The following ZNF668 variants were observed in gnomAD, a reference collection of about 807,000 sequenced individuals.
The protein encoded by ZNF668 is zinc finger protein 668.
In ZNF668, 10 loss-of-function variants were observed where a neutral mutation model predicts 40.3. The observed-to-expected ratio is 0.25, with a 90% CI of 0.15 to 0.42. The LOEUF (loss-of-function observed/expected upper bound fraction) is 0.42. Among genes scored for constraint, ZNF668 ranks in the 10% least tolerant of loss-of-function variants. ZNF668 has a pLI of 1.00. For missense variants in ZNF668, 749 were observed against 904.6 expected (o/e 0.83, Z 2.21); for synonymous variants, 428 against 384.6 (o/e 1.11, Z -1.32).
intron 1 of ZNF668, chr16:31,073,131 G>A (rs987440333): frequency 6.6e-5 from 10 of 152,318 alleles, no homozygotes; most frequent in Non-Finnish European, 1.3e-4. Flanking sequence ...GGCAGCCCCT[G>A]GAGGGCAGGA....
In ZNF668 at chr16:31,062,206, C is replaced by G. The variant is rs1477682389; in HGVS notation, c.722G>C (p.Cys241Ser). The G allele has an allele frequency of 2.5e-6, 4 of 1,613,378 alleles. No individual in the cohort carries two copies. The highest frequency in any genetic ancestry group is 3.4e-6 in the Non-Finnish European group (4 of 1,179,760). ...CTGTGCCGCGTGGATGCGCTGGTGG[C>G]ACGTGAGCGAGGATGAGCGGGAGAA... The part of the protein sequence containing the change: ...KSFSRSSSLT[C>S]HQRIHAAQKP... Residue 241 changes from cysteine (C) to serine (S), a missense_variant, in exon 3 of 3, where the codon TGC (cysteine) becomes TCC (serine). This residue lies in a region of ZNF668 where 129 missense variants were observed against 231.2 expected (regional missense o/e 0.56). Transcript: ENST00000300849.
At position 31,061,696 on chromosome 16, in the gene ZNF668, T is replaced by G; in HGVS notation, c.1232A>C (p.Glu411Ala). 6.2e-7 allele frequency: 1 copy of G among 1,613,648 alleles called. No homozygotes were observed. Among genetic ancestry groups the G allele is most frequent in the Non-Finnish European group, 8.5e-7 (1 of 1,179,910 alleles). Residue 411 changes from glutamate (E) to alanine (A), a missense_variant, in exon 3 of 3, where the codon GAG becomes GCG. Glu to Ala is a moderately radical substitution (Grantham distance 107, BLOSUM62 -1). This residue lies in a region of ZNF668 where 310 missense variants were observed against 355.1 expected (regional missense o/e 0.87). Transcript: ENST00000300849. The surrounding 1 kb of genome is among the most constrained non-coding windows in gnomAD (Gnocchi z 7.7). The stretch of plus-strand genomic sequence containing the variant: ...GGCCTCACTGCTTCGATGGGTCCGC[T>G]CGTGCTTCCTCAGGCTCGACGACAC... ...FVVSSSLRKH[E>A]RTHRSSEAAG...
Position 31,064,280 on chromosome 16 carries a change from T to G in ZNF668, c.180A>C (p.Pro60=). The change falls in exon 2 of 3, where the codon CCA becomes CCC. Residue 60 remains proline, a synonymous_variant. Transcript: ENST00000300849. ...SEEVAEVKPK[P]ETEAKAEEAS... is the part of the protein sequence containing the mutation. ...CTTCCTCTGCCTTAGCTTCTGTCTC[T>G]GGCTTTGGCTTCACCTCGGCCACCT... is the stretch of plus-strand genomic sequence containing the variant. The G allele has an allele frequency of 6.2e-7, 1 of 1,613,834 alleles. No individual in the cohort carries two copies. The highest frequency in any genetic ancestry group is 8.5e-7 in the Non-Finnish European group (1 of 1,180,034).
intron 1 of ZNF668, chr16:31,064,960 G>T: frequency 7.8e-7 from 1 of 1,289,956 alleles, no homozygotes; most frequent in Admixed American, 3.7e-5. Context: ...GCACTGTCTG[G>T]AAGTGACAGG....
chr16:31,072,586 G>A (rs1412146541), intron 1 of ZNF668, among the ~76,000 whole-genome samples: 1 of 152,212 alleles, frequency 6.6e-6, no homozygotes, highest in Non-Finnish European at 1.5e-5. Context: ...GGAGAAAAAG[G>A]AGGCACCTCA....
rs2056962271 is a variant in ZNF668, at chr16:31,064,215, C to G, written c.245G>C (p.Arg82Thr). Residue 82 changes from arginine to threonine, a missense_variant, in exon 2 of 3, where the codon AGG becomes ACG. Coordinates refer to ENST00000300849, the MANE Select transcript of ZNF668 (RefSeq NM_024706.5). ...GGGGCATAGCGGACACGCATAGGGCCTAGGCTTGGCCGCGGAGCCTGACAC... is the reference window on the plus strand; with the variant it reads ...GGGGCATAGCGGACACGCATAGGGCGTAGGCTTGGCCGCGGAGCCTGACAC... ...EKVSGSAAKP[R>T]PYACPLCPKA... 6.2e-7 allele frequency: 1 copy of G among 1,613,000 alleles called. No homozygotes were observed. Among genetic ancestry groups the G allele is most frequent in the Admixed American group, 1.7e-5 (1 of 60,014 alleles).
intron 1 of ZNF668, chr16:31,069,027 G>A (rs1229414994): frequency 6.6e-6 from 1 of 152,050 alleles, no homozygotes; most frequent in Non-Finnish European, 1.5e-5. Context: ...TCCCCACAAA[G>A]GAAAAACTGT....
chr16:31,070,631 C>A (rs1596758829), intron 1 of ZNF668, among the ~76,000 whole-genome samples: 1 of 152,034 alleles, frequency 6.6e-6, no homozygotes, highest in South Asian at 2.1e-4. Flanking sequence ...ACCTCCGCCT[C>A]CCCGGTTCAC....
At chr16:31,063,786 G>C in intron 2 of ZNF668, 27 bp downstream of exon 2, 1 of 1,518,336 alleles carries the variant, frequency 6.6e-7, no homozygotes, top group Non-Finnish European at 8.8e-7. Flanking sequence ...GCCCCGGAAG[G>C]CGCCCTGCCC....
chr16:31,064,323 G>C lies in ZNF668; in HGVS notation c.137C>G (p.Pro46Arg). ...RAARHAATHG[P>R]ADCSEEVAEV... ...GGCCACCTCTTCAGAGCAGTCTGCC[G>C]GCCCATGTGTGGCAGCGTGGCGCGC... Residue 46 changes from proline to arginine, a missense_variant, in exon 2 of 3, where the codon CCG becomes CGG. This residue lies in a region of ZNF668 where 159 missense variants were observed against 139.8 expected (regional missense o/e 1.14). Transcript: ENST00000300849. 1 of 1,613,926 alleles carries C rather than the reference G, an allele frequency of 6.2e-7. No homozygotes were observed. The highest frequency in any genetic ancestry group is 8.5e-7 in the Non-Finnish European group (1 of 1,180,020).
chr16:31,072,355 T>C (rs1354594484), intron 1 of ZNF668, among the ~76,000 whole-genome samples: 1 of 152,240 alleles, frequency 6.6e-6, no homozygotes, highest in African/African-American at 2.4e-5. Flanking sequence ...TTTGTGAGAA[T>C]GTCCACCAAT....
Position 31,064,243 on chromosome 16 carries a change from T to C in ZNF668, c.217A>G (p.Lys73Glu), listed in dbSNP as rs1275102356. ...GGCTTGGCCGCGGAGCCTGACACCT[T>C]CTCCCCACTGGCTTCCTCTGCCTTA... ...EAKAEEASGEKVSGSAAKPRP... is the reference protein window; with the variant it reads ...EAKAEEASGEEVSGSAAKPRP... Residue 73 changes from lysine to glutamate, a missense_variant, in exon 2 of 3, where the codon AAG (lysine) becomes GAG (glutamate). By Grantham distance (56) the Lys-to-Glu change is moderately conservative (BLOSUM62 1). Transcript: ENST00000300849. 1.9e-6 allele frequency: 3 copies of C among 1,613,564 alleles called. No individual in the cohort carries two copies. The highest frequency in any genetic ancestry group is 1.1e-5 in the South Asian group (1 of 91,086).
At chr16:31,065,286 C>T (rs1776345543) in intron 1 of ZNF668, among the ~76,000 whole-genome samples, 1 of 152,246 alleles carries the variant, frequency 6.6e-6, no homozygotes, top group Non-Finnish European at 1.5e-5. Flanking sequence ...CCCAGACGCC[C>T]TCCACCCAGC....
chr16:31,065,277 C>T (rs1340400459), intron 1 of ZNF668, among the ~76,000 whole-genome samples: 1 of 152,234 alleles, frequency 6.6e-6, no homozygotes, highest in Non-Finnish European at 1.5e-5. Flanking sequence ...GGTCCAGAAC[C>T]CAGACGCCCT....
rs2057040122 is a variant in ZNF668, at chr16:31,073,862, G to A, written c.-226C>T. The A allele has an allele frequency of 6.6e-6, 1 of 152,244 alleles. No individual in the cohort carries two copies. Among genetic ancestry groups the A allele is most frequent in the African/African-American group, 2.4e-5 (1 of 41,462 alleles). 9.4% of individuals were successfully genotyped at this position (152,244 alleles called of 1,614,324 possible). ...GGGGAACCTCCAGCCTATGGCGGCA[G>A]AGAAGCATCTTGCAAGAGGTCTCTG... On this transcript the variant is annotated 5_prime_UTR_variant, in exon 1 of 3. Transcript: ENST00000300849.
chr16:31,061,613 C>T lies in ZNF668; in HGVS notation c.1315G>A (p.Ala439Thr), dbSNP rs759028240. 12 of 1,610,442 alleles carry T rather than the reference C, an allele frequency of 7.5e-6. No homozygotes were observed. The South Asian group carries it at 9.9e-5, about 13-fold the overall frequency. The change falls in exon 3 of 3, where the codon GCA becomes ACA. Residue 439 changes from alanine to threonine, a missense_variant. This residue lies in a region of ZNF668 where 310 missense variants were observed against 355.1 expected (regional missense o/e 0.87). Coordinates refer to ENST00000300849, the MANE Select transcript of ZNF668 (RefSeq NM_024706.5). This position sits in a 1 kb window ranked among gnomAD's most constrained non-coding sequence, Gnocchi z 7.7. The stretch of plus-strand genomic sequence containing the variant: ...GCCGGGGCGGCTGAACTCTCACCTG[C>T]CACGCCCACAGGCAGCGCCAACCCC... ...VVGLALPVGV[A>T]GESSAAPAAG...
rs1003004600 is a variant in ZNF668, at chr16:31,061,413, C to A, written c.1515G>T (p.Gly505=). The A allele has an allele frequency of 2.5e-6, 4 of 1,613,762 alleles. No homozygotes were observed. Among genetic ancestry groups the A allele is most frequent in the Non-Finnish European group, 1.7e-6 (2 of 1,179,926 alleles). The change falls in exon 3 of 3, where the codon GGG becomes GGT. Residue 505 remains glycine, a synonymous_variant. Coordinates refer to ENST00000300849, the MANE Select transcript of ZNF668 (RefSeq NM_024706.5). The surrounding 1 kb of genome is among the most constrained non-coding windows in gnomAD (Gnocchi z 7.7). ...GGGGCTTCTCGTCAGCCTCCTCACC[C>A]CCCGCCTCGCCTGCCCCTTCCAAGG... is the stretch of plus-strand genomic sequence containing the variant. The part of the protein sequence containing the change: ...PGPLEGAGEA[G]GEEADEKPPQ...
At chr16:31,066,097 C>G (rs1279284877) in intron 1 of ZNF668, 3 of 985,416 alleles carry the variant, frequency 3.0e-6, no homozygotes, top group South Asian at 4.7e-5. Context: ...AAAGTCAGCA[C>G]CCTTCTGCCT....
At chr16:31,071,759 T>G (rs890816095) in intron 1 of ZNF668, among the ~76,000 whole-genome samples, 10 of 152,160 alleles carry the variant, frequency 6.6e-5, no homozygotes, top group Admixed American at 5.2e-4. Flanking sequence ...CCAGCACCCC[T>G]CCTCTCTAAT....
Sources: gnomAD v4.1 joint callset for allele counts (sites outside exome capture counted in the v4.1 genomes callset) on GRCh38, gnomAD v4.1.1 for gene constraint, gnomAD v4.1.1 regional missense constraint, Gnocchi (gnomAD v3.1) non-coding constraint, MANE v1.5 for transcripts, NCBI Gene and HGNC (gene_info 2026-07-23, HGNC 2026-07-21) for gene names.